SLC25A18: variants seen among roughly 807,000 people sequenced by gnomAD.
SLC25A18 encodes the protein solute carrier family 25 member 18, also known as mitochondrial glutamate carrier 2.
A neutral mutation model predicts 31.1 loss-of-function variants in SLC25A18; 24 were observed. The ratio of observed to expected loss-of-function variants is 0.77; its 90% CI spans 0.56 to 1.08. SLC25A18 has a LOEUF of 1.08. SLC25A18 is among the 50% of genes least tolerant of loss of function. The probability of loss-of-function intolerance (pLI) is 0.00; values close to 1 mark genes in which losing one functional copy is unlikely to be tolerated. For missense variants in SLC25A18, 371 were observed against 418.5 expected, an observed-to-expected ratio of 0.89 and a Z score of 0.99; for synonymous variants, 173 against 161.9, an observed-to-expected ratio of 1.07 and a Z score of -0.52.
intron 2 of SLC25A18, among the ~76,000 whole-genome samples, chr22:17,575,814 A>G (rs2057216777): frequency 6.6e-6 from 1 of 152,218 alleles, no homozygotes; most frequent in Non-Finnish European, 1.5e-5. Flanking sequence ...AATATGATTC[A>G]GTTATCACAT....
intron 7 of SLC25A18, chr22:17,584,028 T>C (rs2057453348): frequency 1.0e-6 from 1 of 982,284 alleles, no homozygotes; most frequent in African/African-American, 1.7e-5. Context: ...AGAATGTTGA[T>C]TCAGAGGGTC....
At position 17,575,244 on chromosome 22, in the gene SLC25A18, A is replaced by G. The variant is rs562599488; in HGVS notation, c.-200-4501A>G. 3.2e-3 allele frequency among the ~76,000 whole-genome samples: 481 copies of G among 152,332 alleles called. 1 individual carries two copies. Among genetic ancestry groups the G allele is most frequent in the African/African-American group, 0.011 (467 of 41,576 alleles). ...TCAGCACGCACTGTCTAAGCCGCTC[A>G]GTTGCCATTAAATGGAATGTGAGGG... On this transcript the variant is annotated intron_variant, in intron 2 of 10. Transcript: ENST00000327451.
At chr22:17,583,631 C>A in intron 7 of SLC25A18, 97 bp downstream of exon 7, 1 of 1,475,750 alleles carries the variant, frequency 6.8e-7, no homozygotes. Context: ...GCTGTGTGAC[C>A]AGTCAACTTT....
chr22:17,573,342 G>A (rs1179474449), intron 2 of SLC25A18, among the ~76,000 whole-genome samples: 1 of 152,102 alleles, frequency 6.6e-6, no homozygotes, highest in African/African-American at 2.4e-5. Context: ...AGTTGACAGT[G>A]CTGCACCTCC....
chr22:17,567,437 A>T (rs1168267633), intron 1 of SLC25A18, among the ~76,000 whole-genome samples: 1 of 151,996 alleles, frequency 6.6e-6, no homozygotes, highest in East Asian at 2.0e-4. Flanking sequence ...CCTTTTATGA[A>T]AAAAGCACTA....
At chr22:17,563,847 CTG>C (rs761986124) in intron 1 of SLC25A18, 134 bp downstream of exon 1, 1 of 440,662 alleles carries the variant, frequency 2.3e-6, no homozygotes, top group Non-Finnish European at 3.0e-6. Flanking sequence ...TACAGAAAAA[CTG>C]GACTCTAGTG....
intron 2 of SLC25A18, among the ~76,000 whole-genome samples, chr22:17,575,313 C>T (rs1321779541): frequency 6.6e-6 from 1 of 152,196 alleles, no homozygotes; most frequent in African/African-American, 2.4e-5. Context: ...TACCAAGTTA[C>T]AGAACTCTAC....
rs2146218302 is a variant in SLC25A18 at position 17,572,817 on chromosome 22, A to G, written c.-201+2831A>G. Reference sequence around the variant, plus strand: ...CCACCACGCCCGGCTAATTTTTTGTATTTTTAGTAGAGACGGGGTTTCACC... The same window carrying G: ...CCACCACGCCCGGCTAATTTTTTGTGTTTTTAGTAGAGACGGGGTTTCACC... On this transcript the variant is annotated intron_variant, in intron 2 of 10. Coordinates refer to ENST00000327451, the MANE Select transcript of SLC25A18 (RefSeq NM_031481.3). Among the ~76,000 whole-genome samples, 4 of 150,788 alleles carry G rather than the reference A, an allele frequency of 2.7e-5. No individual in the cohort carries two copies. In the Middle Eastern group the frequency reaches 0.01, roughly 385 times the overall value.
chr22:17,571,435 G>A (rs2057083969), intron 2 of SLC25A18, among the ~76,000 whole-genome samples: 1 of 152,160 alleles, frequency 6.6e-6, no homozygotes, highest in Non-Finnish European at 1.5e-5. Flanking sequence ...TCTCTAAATA[G>A]TGTGTCTTGT....
intron 7 of SLC25A18, among the ~76,000 whole-genome samples, chr22:17,583,785 G>A (rs571105717): frequency 1.3e-5 from 2 of 151,916 alleles, no homozygotes; most frequent in East Asian, 2.0e-4. Flanking sequence ...CTCTTCTAAA[G>A]ATACAAAAAT....
chr22:17,579,495 C>G (rs1222893913), intron 2 of SLC25A18, among the ~76,000 whole-genome samples: 1 of 152,160 alleles, frequency 6.6e-6, no homozygotes, highest in Non-Finnish European at 1.5e-5. Flanking sequence ...AGTGCCACTC[C>G]CATGCCTCTG....
chr22:17,581,651 T>A (rs1269927698), intron 5 of SLC25A18: 2 of 532,382 alleles, frequency 3.8e-6, no homozygotes. Context: ...GAGCCCTCCC[T>A]ACCTGCCTGC....
chr22:17,576,761 G>A (rs943275509), intron 2 of SLC25A18, among the ~76,000 whole-genome samples: 24 of 152,336 alleles, frequency 1.6e-4, no homozygotes, highest in Admixed American at 1.4e-3. Context: ...CAGCCTCAGG[G>A]TAGGGAGGCT....
At position 17,587,966 on chromosome 22, in the gene SLC25A18, A is replaced by G. The variant is rs756506689; in HGVS notation, c.617A>G (p.Asn206Ser). 6.2e-6 allele frequency: 10 copies of G among 1,613,976 alleles called. No individual in the cohort carries two copies. In the African/African-American group the frequency reaches 6.7e-5, roughly 11 times the overall value. ...ATCATCTACTTCCCACTGTTTGCCAACCTTAACAACCTGGGGTTCAACGAG... is the reference window on the plus strand; with the variant it reads ...ATCATCTACTTCCCACTGTTTGCCAGCCTTAACAACCTGGGGTTCAACGAG... ...FSIIYFPLFA[N>S]LNNLGFNELA... Residue 206 changes from asparagine to serine, a missense_variant, in exon 9 of 11, where the codon AAC becomes AGC. Coordinates refer to ENST00000327451, the MANE Select transcript of SLC25A18 (RefSeq NM_031481.3).
chr22:17,583,648 A>C, intron 7 of SLC25A18, 114 bp downstream of exon 7: 1 of 1,435,190 alleles, frequency 7.0e-7, no homozygotes, highest in Non-Finnish European at 9.3e-7. Flanking sequence ...CTTTCCAAGC[A>C]GGTAGAAGTT....
intron 7 of SLC25A18, 90 bp downstream of exon 7, chr22:17,583,624 G>A: frequency 6.7e-7 from 1 of 1,494,522 alleles, no homozygotes; most frequent in Non-Finnish European, 8.9e-7. Flanking sequence ...TTGCTAGGCT[G>A]TGTGACCAGT....
chr22:17,584,102 A>T, intron 7 of SLC25A18: 1 of 985,030 alleles, frequency 1.0e-6, no homozygotes, highest in South Asian at 4.7e-5. Flanking sequence ...TAAAGATTTT[A>T]AGAAATGCCA....
intron 2 of SLC25A18, among the ~76,000 whole-genome samples, chr22:17,575,131 T>TGTGA (rs1601290319): frequency 1.3e-5 from 2 of 151,972 alleles, no homozygotes; most frequent in East Asian, 3.9e-4. Flanking sequence ...GGATTACAGG[T>TGTGA]GTGAGCCACT....
chr22:17,587,166 C>T lies in SLC25A18; in HGVS notation c.440C>T (p.Pro147Leu). ...CATCATCAGGGCTCGGCCTCAGCAC[C>T]CTCCACCTCCAGGTCCTACACAACT... is the stretch of plus-strand genomic sequence containing the variant. ...AVHHQGSASA[P>L]STSRSYTTGS... Residue 147 changes from proline (P) to leucine (L), a missense_variant, in exon 8 of 11, where the codon CCC becomes CTC. By Grantham distance (98) the Pro-to-Leu change is moderately conservative (BLOSUM62 -3). Transcript: ENST00000327451. 1 of 1,614,114 alleles carries T rather than the reference C, an allele frequency of 6.2e-7. No individual in the cohort carries two copies. Among genetic ancestry groups the T allele is most frequent in the Non-Finnish European group, 8.5e-7 (1 of 1,180,010 alleles).
Sources: gnomAD v4.1 joint callset for allele counts (sites outside exome capture counted in the v4.1 genomes callset) on GRCh38, gnomAD v4.1.1 for gene constraint, MANE v1.5 for transcripts, NCBI Gene and HGNC (gene_info 2026-07-23, HGNC 2026-07-21) for gene names.